NR2C2: variants seen among roughly 807,000 people sequenced by gnomAD.
The protein encoded by NR2C2 is Nuclear hormone receptor TR4.
Under a neutral mutation model 62.9 loss-of-function variants are expected in NR2C2, and 6 were observed. The observed-to-expected ratio is 0.10, with a 90% CI of 0.05 to 0.19. The LOEUF is 0.19. NR2C2 is among the 10% of genes least tolerant of loss of function. The probability of loss-of-function intolerance (pLI) is 1.00; values close to 1 mark genes in which losing one functional copy is unlikely to be tolerated. For missense variants in NR2C2, 479 were observed against 762.7 expected, an observed-to-expected ratio of 0.63 and a Z score of 4.38; for synonymous variants, 272 against 273.8, an observed-to-expected ratio of 0.99 and a Z score of 0.07.
chr3:14,998,741 C>T (rs1475169021), intron 1 of NR2C2, among the ~76,000 whole-genome samples: 1 of 152,128 alleles, frequency 6.6e-6, no homozygotes, highest in African/African-American at 2.4e-5. Flanking sequence ...TTCAGGTACG[C>T]TGGCTCACAC....
rs891850555 is a variant in NR2C2, at chr3:15,043,445, T to C, written c.*437T>C. On this transcript the variant is annotated 3_prime_UTR_variant, in exon 14 of 14. Transcript: ENST00000425241. ...TTAGCACTTTCTAAGCACTTATCAA[T>C]GTGTAACGTTAGCAACATCTTGCCT... 3 of 152,946 alleles carry C rather than the reference T, an allele frequency of 2.0e-5. No individual in the cohort carries two copies. The highest frequency in any genetic ancestry group is 7.2e-5 in the African/African-American group (3 of 41,484). The allele number at this position is 152,946 out of a possible 1,614,324, so 9.5% of individuals were successfully genotyped here.
intron 1 of NR2C2, among the ~76,000 whole-genome samples, chr3:14,998,569 G>T (rs143363060): frequency 1.9e-3 from 290 of 152,292 alleles, no homozygotes; most frequent in African/African-American, 6.8e-3. Context: ...TCTTCTAGGA[G>T]AAATTTCTGT....
intron 1 of NR2C2, among the ~76,000 whole-genome samples, chr3:14,976,602 C>CTTTTTTTTT (rs533538010): frequency 0.01 from 939 of 90,652 alleles, 43 homozygotes; most frequent in African/African-American, 0.021. Flanking sequence ...TCCTTCCTTC[C>CTTTTTTTTT]TTTTTTTTTT....
intron 1 of NR2C2, among the ~76,000 whole-genome samples, chr3:14,987,417 G>A (rs989462425): frequency 6.6e-6 from 1 of 152,162 alleles, no homozygotes; most frequent in Non-Finnish European, 1.5e-5. Flanking sequence ...AAAATATGAA[G>A]AACACCAGTA....
intron 1 of NR2C2, among the ~76,000 whole-genome samples, chr3:14,983,800 T>C (rs967851751): frequency 2.6e-5 from 4 of 152,212 alleles, no homozygotes; most frequent in Non-Finnish European, 4.4e-5. Context: ...AGTTGTACCT[T>C]CTTCAAAGAA....
chr3:14,969,315 G>C (rs1205218271), intron 1 of NR2C2, among the ~76,000 whole-genome samples: 1 of 144,936 alleles, frequency 6.9e-6, no homozygotes, highest in African/African-American at 2.6e-5. Flanking sequence ...GTGTGGTCTC[G>C]GCTCACTGCA....
intron 10 of NR2C2, among the ~76,000 whole-genome samples, chr3:15,033,035 C>T (rs904743286): frequency 2.0e-5 from 3 of 151,236 alleles, no homozygotes; most frequent in Non-Finnish European, 4.4e-5. Context: ...AGCATCGGCT[C>T]TGCCAGTGTG....
chr3:14,948,227 C>A (rs1006936755), intron 1 of NR2C2: 1 of 152,684 alleles, frequency 6.5e-6, no homozygotes, highest in African/African-American at 2.4e-5. Context: ...GGAGATGGCT[C>A]CGGCTGGGCG....
chr3:14,991,255 A>G (rs1000868705), intron 1 of NR2C2, among the ~76,000 whole-genome samples: 5 of 152,220 alleles, frequency 3.3e-5, no homozygotes, highest in Non-Finnish European at 7.3e-5. Context: ...CAAGAGAAGT[A>G]GTTCTTTACT....
At chr3:14,960,464 G>T (rs930578943) in intron 1 of NR2C2, among the ~76,000 whole-genome samples, 1 of 152,028 alleles carries the variant, frequency 6.6e-6, no homozygotes, top group African/African-American at 2.4e-5. Flanking sequence ...AAATAATTCT[G>T]TACTAGGCCT....
At chr3:15,042,106 G>A (rs2042290424) in intron 13 of NR2C2, among the ~76,000 whole-genome samples, 1 of 152,142 alleles carries the variant, frequency 6.6e-6, no homozygotes, top group African/African-American at 2.4e-5. Context: ...TAGAGTCCTG[G>A]CACATGCTCC....
chr3:14,951,711 A>G (rs2039365283), intron 1 of NR2C2, among the ~76,000 whole-genome samples: 1 of 151,988 alleles, frequency 6.6e-6, no homozygotes, highest in South Asian at 2.1e-4. Flanking sequence ...TGTGCGTAAC[A>G]ACCTCCTCAC....
chr3:14,980,398 A>G (rs1007726308), intron 1 of NR2C2, among the ~76,000 whole-genome samples: 1 of 152,150 alleles, frequency 6.6e-6, no homozygotes, highest in African/African-American at 2.4e-5. Flanking sequence ...CCTGGCCTCA[A>G]GCCATTCTCC....
rs1424028523 is a variant in NR2C2, at chr3:15,048,877, A to G, written c.*5869A>G. On this transcript the variant is annotated 3_prime_UTR_variant, in exon 14 of 14. Transcript: ENST00000425241. ...CCCTTTTAAAGGCATCTATCTATCA[A>G]AGGAAAATTTGGGTGTTAGATTTTC... 6.6e-6 allele frequency: 1 copy of G among 152,644 alleles called. No individual in the cohort carries two copies. Among genetic ancestry groups the G allele is most frequent in the Non-Finnish European group, 1.5e-5 (1 of 68,044 alleles). The allele number at this position is 152,644 out of a possible 1,614,324, so 9.5% of individuals were successfully genotyped here. A position where few individuals can be genotyped will look rare whatever the true frequency, so the allele number is the denominator to read the frequency against.
chr3:15,024,910 C>G (rs185045080), intron 7 of NR2C2, among the ~76,000 whole-genome samples: 31 of 152,346 alleles, frequency 2.0e-4, no homozygotes, highest in Admixed American at 1.0e-3. Context: ...GCTTCCTCCT[C>G]ATCTGTTCAC....
chr3:14,970,239 C>T (rs1476677899), intron 1 of NR2C2, among the ~76,000 whole-genome samples: 1 of 114,828 alleles, frequency 8.7e-6, no homozygotes, highest in Non-Finnish European at 1.6e-5. Flanking sequence ...ATTTATCGGG[C>T]TTAGATACTG....
intron 1 of NR2C2, among the ~76,000 whole-genome samples, chr3:14,948,990 T>C (rs946838290): frequency 6.6e-5 from 10 of 152,184 alleles, no homozygotes; most frequent in Admixed American, 2.6e-4. Context: ...AATGGTGTTA[T>C]TGTTAAAAAT....
intron 11 of NR2C2, among the ~76,000 whole-genome samples, chr3:15,036,098 G>A (rs1475303353): frequency 6.6e-6 from 1 of 152,134 alleles, no homozygotes; most frequent in Non-Finnish European, 1.5e-5. Context: ...GCTGAGGCAT[G>A]AGAATCACTT....
intron 1 of NR2C2, among the ~76,000 whole-genome samples, chr3:14,956,123 T>C (rs1472530727): frequency 6.6e-6 from 1 of 152,220 alleles, no homozygotes; most frequent in Non-Finnish European, 1.5e-5. Context: ...ACAGGAAGTA[T>C]ACCTAAACTT....
Sources: allele counts gnomAD v4.1 joint callset (sites outside exome capture counted in the v4.1 genomes callset), GRCh38; gene constraint gnomAD v4.1.1; transcripts MANE v1.5; gene names NCBI Gene and HGNC (gene_info 2026-07-23, HGNC 2026-07-21).